Variants in FAAH2 observed in about 807,000 individuals in gnomAD.
FAAH2 encodes fatty-acid amide hydrolase 2.
In FAAH2, 60 loss-of-function variants were observed where a neutral mutation model predicts 36.9. The observed-to-expected ratio is 1.63, with a 90% CI of 1.32 to 2.02. The LOEUF (loss-of-function observed/expected upper bound fraction) is 2.02. Among genes scored for constraint, FAAH2 ranks in the 30% most tolerant of loss-of-function variants. FAAH2 has a pLI of 0.00. For synonymous variants in FAAH2, 214 were observed against 143.8 expected (o/e 1.49, Z -3.49); for missense variants, 689 against 397.5 (o/e 1.73, Z -6.23).
the FAAH2 span, among the ~76,000 whole-genome samples, chrX:57,249,798 T>C: frequency 8.9e-6 from 1 of 112,102 alleles, no homozygotes; most frequent in Non-Finnish European, 1.9e-5. Flanking sequence ...TAAAATCCAT[T>C]TTAATTTCCC....
chrX:57,245,936 G>T, the FAAH2 span, among the ~76,000 whole-genome samples: 1 of 111,073 alleles, frequency 9.0e-6, no homozygotes, highest in African/African-American at 3.3e-5. Flanking sequence ...ATGAATCCAG[G>T]AGCTGTTTTT....
intron 7 of FAAH2, among the ~76,000 whole-genome samples, chrX:57,382,773 C>T (rs2054890282): frequency 9.0e-6 from 1 of 111,390 alleles, no homozygotes; most frequent in Non-Finnish European, 1.9e-5. Context: ...ACCATTCCTT[C>T]TGAAACTATT....
chrX:57,232,346 G>A, the FAAH2 span, among the ~76,000 whole-genome samples: 1 of 111,907 alleles, frequency 8.9e-6, no homozygotes, highest in Non-Finnish European at 1.9e-5. Flanking sequence ...GGAGAGGGCT[G>A]AGGCCCAGCC....
chrX:57,188,380 T>G, the FAAH2 span, among the ~76,000 whole-genome samples: 1 of 111,695 alleles, frequency 9.0e-6, no homozygotes, highest in Non-Finnish European at 1.9e-5. Flanking sequence ...GATGGTAGTT[T>G]GTATTTCTGA....
chrX:57,404,551 T>G (rs189608131), intron 7 of FAAH2, among the ~76,000 whole-genome samples: 1 of 111,775 alleles, frequency 8.9e-6, no homozygotes, highest in East Asian at 2.8e-4. Context: ...ACTGCTCATG[T>G]CAAGAGTTGT....
At chrX:57,296,429 A>G (rs996662878) in intron 2 of FAAH2, among the ~76,000 whole-genome samples, 6 of 111,887 alleles carry the variant, frequency 5.4e-5, no homozygotes, top group Non-Finnish European at 1.1e-4. Context: ...CAGAAAGGAC[A>G]TCCACACCAA....
At chrX:57,187,508 C>T in the FAAH2 span, among the ~76,000 whole-genome samples, 1 of 111,327 alleles carries the variant, frequency 9.0e-6, no homozygotes, top group African/African-American at 3.3e-5. Context: ...ATTTTATCTT[C>T]TAACAGAGAC....
At chrX:57,392,825 G>T (rs1425458670) in intron 7 of FAAH2, 2 of 676,628 alleles carry the variant, frequency 3.0e-6, no homozygotes, top group East Asian at 3.2e-5. Context: ...TTCGCTCTGG[G>T]TTGTGAGACA....
the FAAH2 span, among the ~76,000 whole-genome samples, chrX:57,174,657 A>G: frequency 9.1e-6 from 1 of 109,848 alleles, no homozygotes; most frequent in African/African-American, 3.3e-5. Context: ...TAGTTCCTTG[A>G]TGTGTTTTGT....
chrX:57,230,710 AC>A, the FAAH2 span, among the ~76,000 whole-genome samples: 1 of 111,582 alleles, frequency 9.0e-6, no homozygotes, highest in Non-Finnish European at 1.9e-5. Flanking sequence ...TAGAATTTCA[AC>A]TTAGTACTTT....
chrX:57,216,638 G>GTATATATATATACGTATATA, the FAAH2 span, among the ~76,000 whole-genome samples: 6 of 76,522 alleles, frequency 7.8e-5, no homozygotes, highest in South Asian at 5.8e-4. Flanking sequence ...ATATATATAC[G>GTATATATATATACGTATATA]TATATATATA....
At chrX:57,443,231 G>T (rs751536458) in intron 8 of FAAH2, among the ~76,000 whole-genome samples, 2 of 111,750 alleles carry the variant, frequency 1.8e-5, no homozygotes, top group Non-Finnish European at 3.8e-5. Flanking sequence ...CATTCTCACC[G>T]TCACTTTCAG....
the FAAH2 span, among the ~76,000 whole-genome samples, chrX:57,272,821 T>A: frequency 8.9e-6 from 1 of 111,846 alleles, no homozygotes; most frequent in Non-Finnish European, 1.9e-5. Flanking sequence ...GTAAAGAACA[T>A]CAACACTATG....
intron 7 of FAAH2, chrX:57,394,143 T>G: frequency 2.9e-6 from 2 of 689,211 alleles, no homozygotes; most frequent in Non-Finnish European, 4.8e-6. Context: ...AACTCTTCCA[T>G]AGGAATGACC....
At chrX:57,384,071 G>A (rs1427882710) in intron 7 of FAAH2, among the ~76,000 whole-genome samples, 2 of 111,348 alleles carry the variant, frequency 1.8e-5, no homozygotes, top group Non-Finnish European at 3.8e-5. Flanking sequence ...CAAGAAATGG[G>A]GAAACAATTC....
At chrX:57,216,556 ATATATATACGTATATGTATATATATG>A in the FAAH2 span, among the ~76,000 whole-genome samples, 7 of 52,826 alleles carry the variant, frequency 1.3e-4, no homozygotes, top group Admixed American at 2.4e-4. Context: ...ATATGTATAT[ATATATATACGTATATGTATATATATG>A]TATATGTATA....
intron 10 of FAAH2, among the ~76,000 whole-genome samples, chrX:57,449,607 C>T (rs1255468178): frequency 9.0e-6 from 1 of 111,425 alleles, no homozygotes; most frequent in East Asian, 2.8e-4. Flanking sequence ...CCCTTACTCT[C>T]TCCCTGGCTT....
chrX:57,258,905 A>G, the FAAH2 span, among the ~76,000 whole-genome samples: 6 of 106,297 alleles, frequency 5.6e-5, no homozygotes, highest in Admixed American at 1.0e-4. Context: ...GATTTTTAGT[A>G]GAGACGAGCT....
At chrX:57,443,677 G>T (rs1246515003) in intron 8 of FAAH2, among the ~76,000 whole-genome samples, 2 of 111,963 alleles carry the variant, frequency 1.8e-5, no homozygotes, top group African/African-American at 6.5e-5. Flanking sequence ...TCCTTTGGAG[G>T]AGAAGAGGTG....
Sources: allele counts gnomAD v4.1 joint callset (sites outside exome capture counted in the v4.1 genomes callset), GRCh38; gene constraint gnomAD v4.1.1; transcripts MANE v1.5; gene names NCBI Gene and HGNC (gene_info 2026-07-23, HGNC 2026-07-21).